The following CIMIP7 variants were observed in gnomAD, a reference collection of about 807,000 sequenced individuals.
CIMIP7 encodes ciliary microtubule inner protein 7, also known as uncharacterized protein C3orf84.
the CIMIP7 span, among the ~76,000 whole-genome samples, chr3:49,188,625 C>T: frequency 1.3e-5 from 2 of 152,248 alleles, no homozygotes; most frequent in South Asian, 2.1e-4. Flanking sequence ...AGCCATGCCT[C>T]CCCCTTGTCC....
chr3:49,189,976 G>T, the CIMIP7 span: 1 of 1,387,338 alleles, frequency 7.2e-7, no homozygotes, highest in South Asian at 1.2e-5. Context: ...TTCTGGGAGA[G>T]GCAAGAACTG....
the CIMIP7 span, chr3:49,177,864 G>A: frequency 1.9e-6 from 3 of 1,613,644 alleles, no homozygotes; most frequent in Non-Finnish European, 2.5e-6. Context: ...CCTGCACAAA[G>A]TGGATGAGGT....
the CIMIP7 span, among the ~76,000 whole-genome samples, chr3:49,188,689 C>T: frequency 6.6e-6 from 1 of 152,160 alleles, no homozygotes; most frequent in African/African-American, 2.4e-5. Flanking sequence ...TGTGGGAATG[C>T]CTTTATCTGA....
the CIMIP7 span, chr3:49,191,832 G>C: frequency 2.0e-6 from 3 of 1,501,200 alleles, no homozygotes; most frequent in Non-Finnish European, 2.7e-6. Context: ...GGTATCTTCA[G>C]GAAAGAGAAT....
the CIMIP7 span, among the ~76,000 whole-genome samples, chr3:49,180,715 G>A: frequency 1.3e-5 from 2 of 152,076 alleles, no homozygotes; most frequent in African/African-American, 4.8e-5. Flanking sequence ...CGGATCACGA[G>A]GTCAGGAGAT....
chr3:49,179,319 G>A, the CIMIP7 span, among the ~76,000 whole-genome samples: 1 of 152,152 alleles, frequency 6.6e-6, no homozygotes. Flanking sequence ...CTTCCTGCCT[G>A]GTGTCCCTGC....
the CIMIP7 span, among the ~76,000 whole-genome samples, chr3:49,188,969 T>C: frequency 6.6e-6 from 1 of 151,462 alleles, no homozygotes; most frequent in African/African-American, 2.4e-5. Context: ...CGGTTATTTT[T>C]TTTTTTTTTT....
the CIMIP7 span, chr3:49,178,629 A>C: frequency 3.7e-5 from 42 of 1,142,376 alleles, no homozygotes; most frequent in Non-Finnish European, 5.2e-5. Context: ...TCCTTAATGG[A>C]GGGAAGTCAC....
chr3:49,177,683 C>T, the CIMIP7 span: 2 of 1,608,776 alleles, frequency 1.2e-6, no homozygotes, highest in Admixed American at 1.7e-5. Flanking sequence ...CACTCAGAGA[C>T]CCCAGCATGA....
At chr3:49,186,986 A>T in the CIMIP7 span, among the ~76,000 whole-genome samples, 2 of 152,204 alleles carry the variant, frequency 1.3e-5, no homozygotes, top group Non-Finnish European at 2.9e-5. Context: ...GCAAGTTTCA[A>T]TTGACCCCCA....
chr3:49,179,028 A>C, the CIMIP7 span, among the ~76,000 whole-genome samples: 1 of 152,114 alleles, frequency 6.6e-6, no homozygotes, highest in Non-Finnish European at 1.5e-5. Context: ...CCACATCTCC[A>C]TGTAAATGCC....
the CIMIP7 span, chr3:49,178,077 C>T: frequency 2.6e-6 from 4 of 1,547,832 alleles, no homozygotes; most frequent in South Asian, 1.2e-5. Context: ...GGGCCCTTGG[C>T]CCACATTCCT....
At chr3:49,185,491 G>A in the CIMIP7 span, among the ~76,000 whole-genome samples, 3 of 151,816 alleles carry the variant, frequency 2.0e-5, no homozygotes, top group Admixed American at 6.6e-5. Flanking sequence ...GCTTGAACCC[G>A]GGAGGCAGAG....
chr3:49,187,042 C>G, the CIMIP7 span, among the ~76,000 whole-genome samples: 1 of 152,194 alleles, frequency 6.6e-6, no homozygotes, highest in East Asian at 1.9e-4. Context: ...ACACTTAGCC[C>G]TAGAATGTAC....
At chr3:49,191,830 C>G in the CIMIP7 span, 3 of 1,506,870 alleles carry the variant, frequency 2.0e-6, no homozygotes, top group Non-Finnish European at 2.7e-6. Context: ...AGGGTATCTT[C>G]AGGAAAGAGA....
chr3:49,183,634 G>A, the CIMIP7 span, among the ~76,000 whole-genome samples: 3 of 152,274 alleles, frequency 2.0e-5, no homozygotes, highest in African/African-American at 7.2e-5. Context: ...CAGCCTGGCC[G>A]ACAGAGTGAG....
chr3:49,186,355 A>G, the CIMIP7 span, among the ~76,000 whole-genome samples: 21 of 150,912 alleles, frequency 1.4e-4, no homozygotes. Context: ...CTCCTGCCTC[A>G]GCCTCCTGAG....
At chr3:49,178,195 C>G in the CIMIP7 span, 3 of 777,944 alleles carry the variant, frequency 3.9e-6, no homozygotes, top group Non-Finnish European at 6.0e-6. Flanking sequence ...GCCTGCCTCC[C>G]CAGTGATGTC....
chr3:49,183,774 C>T, the CIMIP7 span, among the ~76,000 whole-genome samples: 1 of 152,202 alleles, frequency 6.6e-6, no homozygotes, highest in African/African-American at 2.4e-5. Context: ...AGTTTATATA[C>T]AAATATTCTT....
Sources: allele counts gnomAD v4.1 joint callset (sites outside exome capture counted in the v4.1 genomes callset), GRCh38; gene constraint gnomAD v4.1.1; transcripts MANE v1.5; gene names NCBI Gene and HGNC (gene_info 2026-07-23, HGNC 2026-07-21).